Variants in CFAP97 observed in about 807,000 individuals in gnomAD.
CFAP97 encodes the protein cilia and flagella associated protein 97, also known as cilia- and flagella-associated protein 97.
A neutral mutation model predicts 43.1 loss-of-function variants in CFAP97; 36 were observed. The ratio of observed to expected loss-of-function variants is 0.84; its 90% confidence interval spans 0.64 to 1.10. The LOEUF is 1.10. Among genes scored for constraint, CFAP97 ranks in the 50% least tolerant of loss-of-function variants. The probability of loss-of-function intolerance (pLI) is 0.00; values close to 1 mark genes in which losing one functional copy is unlikely to be tolerated. For synonymous variants in CFAP97, 228 were observed against 225.7 expected (o/e 1.01, Z -0.09); for missense variants, 657 against 620.3 (o/e 1.06, Z -0.63).
chr4:185,179,014 G>A (rs1252056336), intron 2 of CFAP97, among the ~76,000 whole-genome samples: 1 of 152,086 alleles, frequency 6.6e-6, no homozygotes, highest in Non-Finnish European at 1.5e-5. Context: ...ATCATAAAAA[G>A]AACTGGCCAG....
upstream of CFAP97, among the ~76,000 whole-genome samples, chr4:185,205,475 T>C (rs187328686): frequency 8.5e-4 from 129 of 152,068 alleles, no homozygotes; most frequent in African/African-American, 3.1e-3. Context: ...AAGCAAGAAT[T>C]TCACTTTCTT....
intron 2 of CFAP97, among the ~76,000 whole-genome samples, chr4:185,188,784 A>G (rs1736110771): frequency 6.6e-6 from 1 of 152,176 alleles, no homozygotes; most frequent in South Asian, 2.1e-4. Context: ...TTTAATGCTG[A>G]AAGTTCTGAG....
chr4:185,187,894 TTATTAC>T (rs1252350657), intron 2 of CFAP97, among the ~76,000 whole-genome samples: 1 of 152,084 alleles, frequency 6.6e-6, no homozygotes, highest in Non-Finnish European at 1.5e-5. Flanking sequence ...AATTCAGATA[TTATTAC>T]TATTATCATT....
chr4:185,189,197 A>G (rs1278730848), intron 2 of CFAP97, among the ~76,000 whole-genome samples: 1 of 152,216 alleles, frequency 6.6e-6, no homozygotes, highest in Non-Finnish European at 1.5e-5. Context: ...TGGTCACGCC[A>G]CTTCACTCCA....
chr4:185,191,690 C>T (rs1049346421), intron 1 of CFAP97, among the ~76,000 whole-genome samples: 2 of 152,050 alleles, frequency 1.3e-5, no homozygotes, highest in African/African-American at 2.4e-5. Context: ...ATTAGCTGGG[C>T]GTGATGGCAC....
chr4:185,195,064 G>A (rs1302574451), intron 1 of CFAP97, among the ~76,000 whole-genome samples: 1 of 152,114 alleles, frequency 6.6e-6, no homozygotes, highest in Admixed American at 6.5e-5. Flanking sequence ...GTTTGCAGTA[G>A]CAATGCATGA....
At chr4:185,191,962 T>C (rs1736277878) in intron 1 of CFAP97, among the ~76,000 whole-genome samples, 1 of 151,950 alleles carries the variant, frequency 6.6e-6, no homozygotes, top group Non-Finnish European at 1.5e-5. Context: ...AGTCAAAAAA[T>C]AAAAGAAAGG....
intron 4 of CFAP97, 124 bp downstream of exon 4, chr4:185,163,905 G>C (rs544808458): frequency 1.2e-6 from 1 of 812,766 alleles, no homozygotes; most frequent in Non-Finnish European, 1.9e-6. Context: ...AAACATGACA[G>C]TGGGAAATAA....
At chr4:185,174,641 G>A (rs2111340015) in intron 3 of CFAP97, among the ~76,000 whole-genome samples, 1 of 152,304 alleles carries the variant, frequency 6.6e-6, no homozygotes, top group Admixed American at 6.5e-5. Context: ...TGTTCATTAA[G>A]GGTCTAATTC....
chr4:185,208,312 G>A (rs1001812737), upstream of CFAP97, among the ~76,000 whole-genome samples: 1 of 151,922 alleles, frequency 6.6e-6, no homozygotes, highest in Non-Finnish European at 1.5e-5. Context: ...CACCGTGCCC[G>A]CCCCTATTTT....
intron 1 of CFAP97, among the ~76,000 whole-genome samples, chr4:185,195,854 T>A (rs1363400402): frequency 6.6e-6 from 1 of 152,194 alleles, no homozygotes; most frequent in Non-Finnish European, 1.5e-5. Context: ...GTCACCTTTT[T>A]TTGTGAGATA....
At chr4:185,164,268 T>A (rs1734985361) in intron 3 of CFAP97, 89 bp from the exon 4 acceptor site, 1 of 1,250,596 alleles carries the variant, frequency 8.0e-7, no homozygotes, top group Non-Finnish European at 1.1e-6. Flanking sequence ...ACATTCACTT[T>A]CTTTCTTTTT....
In CFAP97 at chr4:185,194,273, G is replaced by C. The variant is rs138599793; in HGVS notation, c.-16-3061C>G. ...GGAAGCCGAGGCGGGTGGATCACCT[G>C]AGGTCAGGAGTTCGAGACCAGCCCG... On this transcript the variant is annotated intron_variant, in intron 1 of 4. Transcript: ENST00000458385. Among the ~76,000 whole-genome samples, 767 of 152,314 alleles carry C rather than the reference G, an allele frequency of 5.0e-3. 17 individuals are homozygous for C. In the East Asian group the frequency reaches 0.077, roughly 15 times the overall value.
At chr4:185,187,932 C>T (rs1201097748) in intron 2 of CFAP97, among the ~76,000 whole-genome samples, 1 of 152,130 alleles carries the variant, frequency 6.6e-6, no homozygotes. Context: ...GAGTCTCGCT[C>T]TGTCGCCAGG....
intron 1 of CFAP97, among the ~76,000 whole-genome samples, chr4:185,202,084 C>G (rs988417987): frequency 2.6e-5 from 4 of 152,176 alleles, no homozygotes; most frequent in Non-Finnish European, 4.4e-5. Flanking sequence ...GGGAGCTCCT[C>G]GTCACTTCCT....
Position 185,162,150 on chromosome 4 carries a change from T to C in CFAP97, c.*648A>G, listed in dbSNP as rs1734895102. On this transcript the variant is annotated 3_prime_UTR_variant, in exon 5 of 5. Transcript: ENST00000458385. The stretch of plus-strand genomic sequence containing the variant: ...AAGTTGAACTTTCTAATATTCATAT[T>C]TGAAATGGTTTGGAATGATTGATCA... The C allele has an allele frequency of 6.6e-6, 1 of 152,220 alleles. No individual in the cohort carries two copies. Among genetic ancestry groups the C allele is most frequent in the Non-Finnish European group, 1.5e-5 (1 of 68,062 alleles). The allele number at this position is 152,220 out of a possible 1,614,324, so 9.4% of individuals were successfully genotyped here.
At chr4:185,187,862 A>G (rs1359083769) in intron 2 of CFAP97, among the ~76,000 whole-genome samples, 1 of 152,006 alleles carries the variant, frequency 6.6e-6, no homozygotes, top group African/African-American at 2.4e-5. Flanking sequence ...ACTGATCTGG[A>G]GTCTGTTAGG....
chr4:185,207,406 C>T (rs755325387), upstream of CFAP97, among the ~76,000 whole-genome samples: 15 of 151,676 alleles, frequency 9.9e-5, no homozygotes, highest in Non-Finnish European at 1.8e-4. Flanking sequence ...TTAGTAGAGA[C>T]GGGGTTTTGC....
intron 1 of CFAP97, among the ~76,000 whole-genome samples, chr4:185,195,734 G>A (rs1428097996): frequency 6.6e-6 from 1 of 152,172 alleles, no homozygotes; most frequent in Non-Finnish European, 1.5e-5. Flanking sequence ...TAAAGACTAT[G>A]GCTGATCATA....
Sources: gnomAD v4.1 joint callset for allele counts (sites outside exome capture counted in the v4.1 genomes callset) on GRCh38, gnomAD v4.1.1 for gene constraint, MANE v1.5 for transcripts, NCBI Gene and HGNC (gene_info 2026-07-23, HGNC 2026-07-21) for gene names.